Variants in FABP2 observed in about 807,000 individuals in gnomAD.
FABP2 encodes fatty acid binding protein 2, also known as fatty acid-binding protein, intestinal.
FABP2 carries 11 observed loss-of-function variants against 16.1 expected under a neutral mutation model. The observed-to-expected ratio is 0.68, with a 90% CI of 0.43 to 1.13. The LOEUF is 1.13. Ranked by LOEUF, FABP2 falls within the 50% of genes most tolerant of loss-of-function variation. The pLI is 0.00. For missense variants in FABP2, 146 were observed against 155.1 expected (o/e 0.94, Z 0.31); for synonymous variants, 45 against 50.9 (o/e 0.88, Z 0.49).
At position 119,318,950 on chromosome 4, in the gene FABP2, C is replaced by T. The variant is rs1046102445; in HGVS notation, c.*91G>A. ...TATAAAAGGACCAATCAATCAGTAACCTTATACTTGATGGGGTGAAATAAA... is the reference window on the plus strand; with the variant it reads ...TATAAAAGGACCAATCAATCAGTAATCTTATACTTGATGGGGTGAAATAAA... On this transcript the variant is annotated 3_prime_UTR_variant, in exon 4 of 4. Transcript: ENST00000274024. The T allele has an allele frequency of 3.0e-6, 3 of 998,692 alleles. No homozygotes were observed. In the African/African-American group the frequency reaches 5.1e-5, roughly 17 times the overall value. 61.9% of individuals were successfully genotyped at this position (998,692 alleles called of 1,614,324 possible).
At chr4:119,320,889 A>C (rs1755658062) in intron 1 of FABP2, 47 bp from the exon 2 acceptor site, 3 of 1,440,654 alleles carry the variant, frequency 2.1e-6, no homozygotes, top group Non-Finnish European at 2.8e-6. Context: ...ATCCCATAGG[A>C]AGTGTTTATT....
chr4:119,319,008 T>G lies in FABP2; in HGVS notation c.*33A>C. Reference sequence around the variant, plus strand: ...GGTACAATATAGATCTTCTGTCCAATTTGTATTTTGGACTGTGCGCCAAGA... The same window carrying G: ...GGTACAATATAGATCTTCTGTCCAAGTTGTATTTTGGACTGTGCGCCAAGA... On this transcript the variant is annotated 3_prime_UTR_variant, in exon 4 of 4. Coordinates refer to ENST00000274024, the MANE Select transcript of FABP2 (RefSeq NM_000134.4). 6.4e-7 allele frequency: 1 copy of G among 1,555,148 alleles called. No individual in the cohort carries two copies. The highest frequency in any genetic ancestry group is 2.4e-5 in the East Asian group (1 of 41,798).
Position 119,320,661 on chromosome 4 carries a change from A to C in FABP2, c.240+9T>G. The C allele has an allele frequency of 6.4e-7, 1 of 1,555,770 alleles. No homozygotes were observed. The highest frequency in any genetic ancestry group is 2.4e-5 in the East Asian group (1 of 42,444). On this transcript the variant is annotated intron_variant, in intron 2 of 3. Transcript: ENST00000274024. ...AGAATGCATTGCTCATAAAAAAAAA[A>C]ATTCTTACCCTGAGTTCAGTTCCGT...
chr4:119,319,604 AT>A lies in FABP2; in HGVS notation c.279del (p.Lys93AsnfsTer11). 1.3e-6 allele frequency: 2 copies of A among 1,528,768 alleles called. No individual in the cohort carries two copies. The highest frequency in any genetic ancestry group is 1.8e-6 in the Non-Finnish European group (2 of 1,138,052). The allele number at this position is 1,528,768 out of a possible 1,614,324, so 94.7% of individuals were successfully genotyped here. The part of the protein sequence containing the change: ...WSLEGNKLIG[K>X]FKRTDNGNEL... ...TCGTTTCCATTGTCTGTCCGTTTGA[AT>A]TTTCCAATAAGTTTATTTCCCTCAA... is the stretch of plus-strand genomic sequence containing the variant. On this transcript the variant is annotated frameshift_variant, in exon 3 of 4. Transcript: ENST00000274024. LOFTEE classifies it high-confidence loss of function.
chr4:119,320,600 G>T, intron 2 of FABP2, 70 bp downstream of exon 2: 2 of 1,234,594 alleles, frequency 1.6e-6, no homozygotes, highest in South Asian at 1.4e-5. Flanking sequence ...CAATGAAATA[G>T]AGCAGAAATC....
At position 119,322,081 on chromosome 4, in the gene FABP2, T is replaced by C; in HGVS notation, c.22A>G (p.Lys8Glu). The change falls in exon 1 of 4, where the codon AAG (lysine) becomes GAG (glutamate). Residue 8 changes from lysine to glutamate, a missense_variant. Lys to Glu is a moderately conservative substitution (Grantham distance 56). Transcript: ENST00000274024. MAFDSTW[K>E]VDRSENYDKF... is the part of the protein sequence containing the mutation. ...TCATAGTTTTCACTCCGGTCTACCT[T>C]CCAAGTGCTGTCAAACGCCATGATT... is the stretch of plus-strand genomic sequence containing the variant. 6.2e-7 allele frequency: 1 copy of C among 1,613,414 alleles called. No individual in the cohort carries two copies.
rs1212414527 is a variant in FABP2, at chr4:119,320,806, T to A, written c.104A>T (p.Asp35Val). Reference protein sequence around the residue: ...NIVKRKLAAHDNLKLTITQEG... With the variant: ...NIVKRKLAAHVNLKLTITQEG... ...TTGTGTAATTGTCAGCTTCAAATTG[T>A]CATGAGCTGCAAGCTTCCTTTTCAC... is the stretch of plus-strand genomic sequence containing the variant. The change falls in exon 2 of 4, where the codon GAC becomes GTC. Residue 35 changes from aspartate to valine, a missense_variant. Physicochemically the swap from Asp to Val is radical, Grantham distance 152. Transcript: ENST00000274024. 1 of 1,600,578 alleles carries A rather than the reference T, an allele frequency of 6.2e-7. No individual in the cohort carries two copies.
chr4:119,319,338 G>A (rs900104300), intron 3 of FABP2, among the ~76,000 whole-genome samples, 198 bp downstream of exon 3: 12 of 151,548 alleles, frequency 7.9e-5, no homozygotes, highest in Non-Finnish European at 1.8e-4. Flanking sequence ...AGTTAAAATA[G>A]GCATTGATTA....
At position 119,319,635 on chromosome 4, in the gene FABP2, C is replaced by T. The variant is rs745606756; in HGVS notation, c.249G>A (p.Trp83Ter). 6.3e-6 allele frequency: 9 copies of T among 1,438,382 alleles called. No homozygotes were observed. In the South Asian group the frequency reaches 1.0e-4, roughly 16 times the overall value. 89.1% of individuals were successfully genotyped at this position (1,438,382 alleles called of 1,614,324 possible). Reference protein sequence around the residue: ...LADGTELRGTWSLEGNKLIGK... With the variant: ...LADGTELRGT ...CAATAAGTTTATTTCCCTCAAGGCT[C>T]CAGGTCCCCTACATAATAATAATAA... Residue 83 changes from tryptophan to a stop codon, truncating the protein, a stop_gained, in exon 3 of 4, where the codon TGG (tryptophan) becomes TGA (stop). Coordinates refer to ENST00000274024, the MANE Select transcript of FABP2 (RefSeq NM_000134.4). LOFTEE classifies it high-confidence loss of function.
intron 1 of FABP2, among the ~76,000 whole-genome samples, chr4:119,321,767 T>A (rs1471483946): frequency 1.3e-5 from 2 of 152,170 alleles, no homozygotes; most frequent in African/African-American, 4.8e-5. Context: ...ATTTTTCAGT[T>A]AAAGAGGGAA....
Position 119,319,647 on chromosome 4 carries a change from C to CATCATA in FABP2, c.241-5_241-4insTATGAT, listed in dbSNP as rs1553986027. ...TTCCCTCAAGGCTCCAGGTCCCCTA[C>CATCATA]ATAATAATAATAATAATAATAATAA... On this transcript the variant is annotated splice_polypyrimidine_tract_variant and splice_region_variant and intron_variant, in intron 2 of 3. Coordinates refer to ENST00000274024, the MANE Select transcript of FABP2 (RefSeq NM_000134.4). 20 of 798,136 alleles carry CATCATA rather than the reference C, an allele frequency of 2.5e-5. No individual in the cohort carries two copies. The highest frequency in any genetic ancestry group is 7.3e-5 in the South Asian group (3 of 41,254). The allele number at this position is 798,136 out of a possible 1,614,324, so 49.4% of individuals were successfully genotyped here.
intron 1 of FABP2, among the ~76,000 whole-genome samples, chr4:119,321,353 A>G (rs1192673172): frequency 6.6e-6 from 1 of 152,134 alleles, no homozygotes; most frequent in African/African-American, 2.4e-5. Context: ...ATATTAAGCC[A>G]AAATCACTAT....
chr4:119,319,416 A>G (rs1755628857), intron 3 of FABP2, 120 bp downstream of exon 3: 1 of 562,716 alleles, frequency 1.8e-6, no homozygotes, highest in Non-Finnish European at 3.1e-6. Context: ...TTTTAAAATC[A>G]GTAAGATTTA....
chr4:119,320,881 C>A (rs767185252), intron 1 of FABP2, 39 bp from the exon 2 acceptor site: 3 of 1,477,772 alleles, frequency 2.0e-6, no homozygotes, highest in South Asian at 1.3e-5. Context: ...AAAGTCAAAT[C>A]CCATAGGAAG....
At position 119,322,106 on chromosome 4, in the gene FABP2, T is replaced by A. The variant is rs1439458028; in HGVS notation, c.-4A>T. 1 of 1,612,270 alleles carries A rather than the reference T, an allele frequency of 6.2e-7. No homozygotes were observed. The highest frequency in any genetic ancestry group is 2.2e-5 in the East Asian group (1 of 44,788). On this transcript the variant is annotated 5_prime_UTR_variant, in exon 1 of 4. Transcript: ENST00000274024. ...TCCAAGTGCTGTCAAACGCCATGATTTCAGTTGAGTCAGCCTCTAGGCAGC... is the reference window on the plus strand; with the variant it reads ...TCCAAGTGCTGTCAAACGCCATGATATCAGTTGAGTCAGCCTCTAGGCAGC...
Position 119,319,090 on chromosome 4 carries a change from G to A in FABP2, c.350C>T (p.Thr117Ile). Reference protein sequence around the residue: ...REIIGDELVQTYVYEGVEAKR... With the variant: ...REIIGDELVQIYVYEGVEAKR... The stretch of plus-strand genomic sequence containing the variant: ...GGCTTCTACTCCTTCATATACATAA[G>A]TCTGAAAGGTGTTAACAAACAGAAG... Residue 117 changes from threonine (T) to isoleucine (I), a missense_variant and splice_region_variant, in exon 4 of 4, where the codon ACT becomes ATT. Physicochemically the swap from Thr to Ile is moderately conservative, Grantham distance 89. Transcript: ENST00000274024. 7 of 1,584,978 alleles carry A rather than the reference G, an allele frequency of 4.4e-6. No individual in the cohort carries two copies. Among genetic ancestry groups the A allele is most frequent in the Non-Finnish European group, 6.0e-6 (7 of 1,165,268 alleles).
At position 119,317,636 on chromosome 4, in the gene FABP2, T is replaced by C. The variant is rs1755600885; in HGVS notation, c.*1405A>G. 1 of 152,098 alleles carries C rather than the reference T, an allele frequency of 6.6e-6. No homozygotes were observed. The highest frequency in any genetic ancestry group is 1.5e-5 in the Non-Finnish European group (1 of 67,988). The allele number at this position is 152,098 out of a possible 1,614,324, so 9.4% of individuals were successfully genotyped here. A position where few individuals can be genotyped will look rare whatever the true frequency, so the allele number is the denominator to read the frequency against. On this transcript the variant is annotated 3_prime_UTR_variant, in exon 4 of 4. Coordinates refer to ENST00000274024, the MANE Select transcript of FABP2 (RefSeq NM_000134.4). ...AGTGTGTGGCAAGTAGTAAGAACTA[T>C]GTAAATGTTAAGCTGTTATCTACAT...
At chr4:119,320,542 C>T in intron 2 of FABP2, 128 bp downstream of exon 2, 1 of 704,158 alleles carries the variant, frequency 1.4e-6, no homozygotes, top group Non-Finnish European at 2.3e-6. Context: ...AGACAAACTT[C>T]ATTGGCTTCT....
chr4:119,319,108 A>G lies in FABP2; in HGVS notation c.349-17T>C. The G allele has an allele frequency of 6.5e-6, 10 of 1,549,140 alleles. No homozygotes were observed. Among genetic ancestry groups the G allele is most frequent in the Non-Finnish European group, 8.8e-6 (10 of 1,138,508 alleles). ...TACATAAGTCTGAAAGGTGTTAACA[A>G]ACAGAAGAATTTATCTTTAAGGTTT... On this transcript the variant is annotated splice_polypyrimidine_tract_variant and intron_variant, in intron 3 of 3. Transcript: ENST00000274024.
Sources: allele counts gnomAD v4.1 joint callset (sites outside exome capture counted in the v4.1 genomes callset), GRCh38; gene constraint gnomAD v4.1.1; transcripts MANE v1.5; gene names NCBI Gene and HGNC (gene_info 2026-07-23, HGNC 2026-07-21).